The following NBR1 variants were observed in gnomAD, a reference collection of about 807,000 sequenced individuals.
NBR1 encodes the protein NBR1 autophagy cargo receptor.
In NBR1, 59 loss-of-function variants were observed where a neutral mutation model predicts 115.5. The ratio of observed to expected loss-of-function variants is 0.51; its 90% CI spans 0.41 to 0.63. NBR1 has a LOEUF of 0.63. Among genes scored for constraint, NBR1 ranks in the 30% least tolerant of loss-of-function variants. The pLI is 0.00. For synonymous variants in NBR1, 373 were observed against 414.7 expected, an observed-to-expected ratio of 0.90 and a Z score of 1.22; for missense variants, 1,043 against 1,150.5, an observed-to-expected ratio of 0.91 and a Z score of 1.35.
At chr17:43,209,817 G>C in intron 20 of NBR1, 84 bp from the exon 21 acceptor site, 1 of 1,459,736 alleles carries the variant, frequency 6.9e-7, no homozygotes, top group Non-Finnish European at 9.0e-7. Context: ...TAGTATGCTT[G>C]CAAGATGATA....
chr17:43,204,554 A>C (rs540477075), intron 20 of NBR1, among the ~76,000 whole-genome samples: 126 of 151,196 alleles, frequency 8.3e-4, no homozygotes, highest in African/African-American at 2.9e-3. Flanking sequence ...AGTGGCTCAC[A>C]CCTGTAATCC....
intron 1 of NBR1, among the ~76,000 whole-genome samples, chr17:43,174,354 T>C (rs1024164113): frequency 3.9e-5 from 6 of 152,198 alleles, no homozygotes; most frequent in Non-Finnish European, 7.3e-5. Flanking sequence ...CCCAGCACTT[T>C]GGGAGGCCGA....
intron 5 of NBR1, among the ~76,000 whole-genome samples, chr17:43,181,370 G>T (rs2056659570): frequency 6.6e-6 from 1 of 151,514 alleles, no homozygotes; most frequent in Non-Finnish European, 1.5e-5. Flanking sequence ...CTGTTCTAGT[G>T]TTTAAAAATA....
Position 43,210,051 on chromosome 17 carries a change from G to A in NBR1, c.2878G>A (p.Asp960Asn), listed in dbSNP as rs1293844763. Reference protein sequence around the residue: ...VTELLQLNNNDWYSQRY With the variant: ...VTELLQLNNNNWYSQRY ...AGAACTTCTTCAGTTAAACAACAAC[G>A]ACTGGTACAGCCAACGCTATTGAGG... Residue 960 changes from aspartate to asparagine, a missense_variant, in exon 21 of 21, where the codon GAC becomes AAC. Coordinates refer to ENST00000590996, the MANE Select transcript of NBR1 (RefSeq NM_005899.5). 2 of 1,612,604 alleles carry A rather than the reference G, an allele frequency of 1.2e-6. No homozygotes were observed. Among genetic ancestry groups the A allele is most frequent in the Non-Finnish European group, 1.7e-6 (2 of 1,179,420 alleles).
In NBR1 at chr17:43,172,540, G is replaced by T. The variant is rs576196868; in HGVS notation, c.-10+1238G>T. ...TCATTTCCTTGATTTTTTGCCTAAGGTCCTGGGGAATTGACAAAGATTCTC... is the reference window on the plus strand; with the variant it reads ...TCATTTCCTTGATTTTTTGCCTAAGTTCCTGGGGAATTGACAAAGATTCTC... On this transcript the variant is annotated intron_variant, in intron 1 of 20. Transcript: ENST00000590996. Among the ~76,000 whole-genome samples the T allele has an allele frequency of 3.9e-5, 6 of 152,178 alleles. No homozygotes were observed. The South Asian group carries it at 1.2e-3, about 32-fold the overall frequency.
chr17:43,189,155 T>C, intron 7 of NBR1, 36 bp downstream of exon 7: 2 of 1,422,698 alleles, frequency 1.4e-6, no homozygotes, highest in Non-Finnish European at 2.0e-6. Context: ...TTAACTGCGG[T>C]GTTGGCACAG....
chr17:43,182,396 G>C (rs8076993), intron 5 of NBR1, among the ~76,000 whole-genome samples: 5 of 150,570 alleles, frequency 3.3e-5, no homozygotes, highest in African/African-American at 1.2e-4. Context: ...TTATTTTGTA[G>C]TTTTTAGTAG....
chr17:43,179,229 A>G (rs556135334), intron 3 of NBR1, among the ~76,000 whole-genome samples, 165 bp from the exon 4 acceptor site: 6 of 152,314 alleles, frequency 3.9e-5, no homozygotes, highest in African/African-American at 9.6e-5. Context: ...GGCACAGTAG[A>G]TAAGCAATAA....
At chr17:43,186,783 T>A (rs1379383444) in intron 6 of NBR1, among the ~76,000 whole-genome samples, 1 of 152,122 alleles carries the variant, frequency 6.6e-6, no homozygotes, top group Non-Finnish European at 1.5e-5. Context: ...GGTTTTCTGT[T>A]CCTGAGTTAG....
chr17:43,174,626 AATTAT>A (rs903958195), intron 1 of NBR1, among the ~76,000 whole-genome samples: 3 of 151,766 alleles, frequency 2.0e-5, no homozygotes, highest in African/African-American at 4.8e-5. Flanking sequence ...AATATAAAAT[AATTAT>A]ATTATTATAG....
intron 20 of NBR1, among the ~76,000 whole-genome samples, chr17:43,204,039 A>G (rs1191059752): frequency 1.3e-5 from 2 of 150,762 alleles, no homozygotes; most frequent in Non-Finnish European, 2.9e-5. Context: ...CTGGGTTCAC[A>G]CCATTCTCCT....
At chr17:43,206,384 G>A (rs1038769544) in intron 20 of NBR1, among the ~76,000 whole-genome samples, 42 of 152,166 alleles carry the variant, frequency 2.8e-4, no homozygotes, top group African/African-American at 9.9e-4. Context: ...CCAGTTGGGC[G>A]TGGTGGCTCA....
chr17:43,178,614 C>T (rs572613759), intron 3 of NBR1, among the ~76,000 whole-genome samples: 4 of 151,982 alleles, frequency 2.6e-5, no homozygotes, highest in Non-Finnish European at 5.9e-5. Context: ...TGGGCTCAAG[C>T]GATCAGCCCA....
At chr17:43,198,777 C>T (rs971703236) in intron 16 of NBR1, among the ~76,000 whole-genome samples, 12 of 151,952 alleles carry the variant, frequency 7.9e-5, no homozygotes, top group East Asian at 3.9e-4. Flanking sequence ...CTGGCTAACA[C>T]GGTGAAACCC....
intron 19 of NBR1, 22 bp from the exon 20 acceptor site, chr17:43,203,659 A>C: frequency 6.8e-7 from 1 of 1,481,332 alleles, no homozygotes; most frequent in East Asian, 2.3e-5. Flanking sequence ...GTTTGGGGAG[A>C]TAATTTGGTT....
chr17:43,197,243 G>A (rs1054235463), intron 16 of NBR1, 137 bp downstream of exon 16: 1 of 897,236 alleles, frequency 1.1e-6, no homozygotes, highest in Admixed American at 2.6e-5. Flanking sequence ...ATCTTGGCGG[G>A]GCGTGGTGGC....
chr17:43,173,636 C>G (rs1403435235), intron 1 of NBR1, among the ~76,000 whole-genome samples: 2 of 152,086 alleles, frequency 1.3e-5, no homozygotes, highest in Non-Finnish European at 2.9e-5. Flanking sequence ...AACTTGCGTA[C>G]ACATTTTTAA....
chr17:43,189,431 T>A (rs190851542), intron 7 of NBR1, among the ~76,000 whole-genome samples, 157 bp from the exon 8 acceptor site: 1 of 152,242 alleles, frequency 6.6e-6, no homozygotes, highest in Admixed American at 6.5e-5. Flanking sequence ...GTGGAAGGAA[T>A]AGACCTTTTG....
chr17:43,190,093 CT>C (rs34682023), intron 8 of NBR1: 16,723 of 213,096 alleles, frequency 0.078, 21 homozygotes, highest in South Asian at 0.13. Context: ...TTCCAAATGC[CT>C]TTTTTTTTTT....
Sources: gnomAD v4.1 joint callset for allele counts (sites outside exome capture counted in the v4.1 genomes callset) on GRCh38, gnomAD v4.1.1 for gene constraint, MANE v1.5 for transcripts, NCBI Gene and HGNC (gene_info 2026-07-23, HGNC 2026-07-21) for gene names.